Variants in PTPN4 observed in about 807,000 individuals in gnomAD.
The protein encoded by PTPN4 is tyrosine-protein phosphatase non-receptor type 4.
PTPN4 carries 49 observed loss-of-function variants against 135.5 expected under a neutral mutation model. That is an observed-to-expected ratio of 0.36 (90% CI 0.29 to 0.46). The LOEUF (loss-of-function observed/expected upper bound fraction) is 0.46, where lower values mean the gene tolerates loss of function less well. Ranked by LOEUF, PTPN4 falls within the 20% of genes least tolerant of loss-of-function variation. The probability of loss-of-function intolerance (pLI) is 1.00; values close to 1 mark genes in which losing one functional copy is unlikely to be tolerated. For synonymous variants in PTPN4, 333 were observed against 369.9 expected, an observed-to-expected ratio of 0.90 and a Z score of 1.14; for missense variants, 860 against 1,101.0, an observed-to-expected ratio of 0.78 and a Z score of 3.10.
At chr2:119,862,304 A>G (rs1199424226) in intron 2 of PTPN4, among the ~76,000 whole-genome samples, 1 of 152,170 alleles carries the variant, frequency 6.6e-6, no homozygotes, top group African/African-American at 2.4e-5. Flanking sequence ...AACAGTTACC[A>G]AGTTAACCCA....
intron 25 of PTPN4, among the ~76,000 whole-genome samples, chr2:119,965,916 A>C (rs1395306820): frequency 6.6e-6 from 1 of 152,208 alleles, no homozygotes; most frequent in African/African-American, 2.4e-5. Context: ...AACAATTTAC[A>C]ATAGATTTGA....
chr2:119,798,292 G>A (rs1275221962), intron 1 of PTPN4, among the ~76,000 whole-genome samples: 4 of 151,708 alleles, frequency 2.6e-5, no homozygotes, highest in East Asian at 1.9e-4. Context: ...TCAGCCTACC[G>A]GGTAGCTGGG....
chr2:119,870,022 A>T (rs1677887997), intron 3 of PTPN4, among the ~76,000 whole-genome samples: 1 of 152,238 alleles, frequency 6.6e-6, no homozygotes. Context: ...AACAGAGGGC[A>T]GCAGATACAG....
rs1679649223 is a variant in PTPN4, at chr2:119,978,475, T to C, written c.*1405T>C. 1 of 152,166 alleles carries C rather than the reference T, an allele frequency of 6.6e-6. No individual in the cohort carries two copies. The highest frequency in any genetic ancestry group is 1.5e-5 in the Non-Finnish European group (1 of 67,998). The allele number at this position is 152,166 out of a possible 1,614,324, so 9.4% of individuals were successfully genotyped here. ...AATTATTCCATTTTATATATACTTA[T>C]TAAGTTATAAGCATGTTAATAAGGA... On this transcript the variant is annotated 3_prime_UTR_variant, in exon 27 of 27. Coordinates refer to ENST00000263708, the MANE Select transcript of PTPN4 (RefSeq NM_002830.4).
intron 2 of PTPN4, among the ~76,000 whole-genome samples, chr2:119,824,280 T>TG (rs905660016): frequency 6.6e-5 from 10 of 152,234 alleles, no homozygotes; most frequent in African/African-American, 1.7e-4. Flanking sequence ...CTACTCTTTT[T>TG]GGGGGGGAGG....
intron 10 of PTPN4, among the ~76,000 whole-genome samples, chr2:119,911,759 G>A (rs1678575173): frequency 6.6e-6 from 1 of 152,072 alleles, no homozygotes; most frequent in Non-Finnish European, 1.5e-5. Flanking sequence ...TGAAAATAAA[G>A]AGATAAAAAA....
rs554653666 is a variant in PTPN4, at chr2:119,884,254, G to A, written c.588-1541G>A. Among the ~76,000 whole-genome samples, 4 of 152,316 alleles carry A rather than the reference G, an allele frequency of 2.6e-5. 1 individual carries two copies. In the South Asian group the frequency reaches 8.3e-4, roughly 32 times the overall value. ...TAAGATTGTTATGTAGATTTTAAGT[G>A]GTTGCAGAAAATCAAAAGAAGAATA... On this transcript the variant is annotated intron_variant, in intron 8 of 26. Coordinates refer to ENST00000263708, the MANE Select transcript of PTPN4 (RefSeq NM_002830.4).
chr2:119,802,765 G>T (rs935856131), intron 1 of PTPN4, among the ~76,000 whole-genome samples: 13 of 152,072 alleles, frequency 8.5e-5, no homozygotes, highest in Non-Finnish European at 1.8e-4. Context: ...TCTGCTTTCT[G>T]GAAGAGATCA....
chr2:119,863,926 A>G (rs1677795162), intron 3 of PTPN4, among the ~76,000 whole-genome samples: 1 of 152,194 alleles, frequency 6.6e-6, no homozygotes, highest in Admixed American at 6.5e-5. Context: ...TCAGTAATGC[A>G]GCCTTTCCCA....
At chr2:119,786,839 A>G (rs890821609) in intron 1 of PTPN4, among the ~76,000 whole-genome samples, 2 of 152,226 alleles carry the variant, frequency 1.3e-5, no homozygotes, top group Non-Finnish European at 2.9e-5. Context: ...ACAATCTGCC[A>G]TAGCCTGTGA....
chr2:119,809,044 G>GTT (rs1351284046), intron 1 of PTPN4, among the ~76,000 whole-genome samples: 1 of 151,888 alleles, frequency 6.6e-6, no homozygotes, highest in East Asian at 1.9e-4. Flanking sequence ...AGTGTTAGGT[G>GTT]TTTTAAAGTT....
intron 10 of PTPN4, among the ~76,000 whole-genome samples, chr2:119,905,554 G>A (rs888417421): frequency 1.3e-5 from 2 of 152,090 alleles, no homozygotes; most frequent in Non-Finnish European, 2.9e-5. Flanking sequence ...ATTCACCACT[G>A]GACAGATCAT....
At chr2:119,912,477 T>C (rs969290879) in intron 10 of PTPN4, among the ~76,000 whole-genome samples, 16 of 152,172 alleles carry the variant, frequency 1.1e-4, no homozygotes, top group African/African-American at 3.9e-4. Flanking sequence ...AATGAAAAGA[T>C]GCATTGGTGG....
intron 15 of PTPN4, among the ~76,000 whole-genome samples, chr2:119,939,701 C>T (rs1016553741): frequency 6.6e-6 from 1 of 152,184 alleles, no homozygotes; most frequent in Non-Finnish European, 1.5e-5. Context: ...GTCTATACCT[C>T]TTCAGTTCCT....
At chr2:119,885,932 CA>C in intron 9 of PTPN4, 50 bp downstream of exon 9, 1 of 1,259,468 alleles carries the variant, frequency 7.9e-7, no homozygotes, top group Non-Finnish European at 1.1e-6. Flanking sequence ...CTCCGTTACT[CA>C]ATATAACATT....
chr2:119,859,459 G>C (rs1002764709), intron 2 of PTPN4, among the ~76,000 whole-genome samples: 1 of 152,170 alleles, frequency 6.6e-6, no homozygotes, highest in African/African-American at 2.4e-5. Context: ...TAGTCAGTTC[G>C]TTGTTAAGTG....
Position 119,845,083 on chromosome 2 carries a change from T to G in PTPN4, c.139-17453T>G, listed in dbSNP as rs1482790157. On this transcript the variant is annotated intron_variant, in intron 2 of 26. Coordinates refer to ENST00000263708, the MANE Select transcript of PTPN4 (RefSeq NM_002830.4). ...CCGGCCAACACAGCGAAACCCCGTC[T>G]CCACCAAAACCAGTCAGGCGTGGCG... 3.1e-4 allele frequency among the ~76,000 whole-genome samples: 46 copies of G among 149,512 alleles called. 1 individual carries two copies. The East Asian group carries it at 9.0e-3, about 29-fold the overall frequency.
intron 2 of PTPN4, among the ~76,000 whole-genome samples, chr2:119,814,508 G>A (rs751906952): frequency 6.6e-6 from 1 of 152,160 alleles, no homozygotes; most frequent in Non-Finnish European, 1.5e-5. Flanking sequence ...CTTTTTGAAA[G>A]ATAATTTGTA....
At chr2:119,804,444 G>T (rs112725379) in intron 1 of PTPN4, among the ~76,000 whole-genome samples, 2 of 151,968 alleles carry the variant, frequency 1.3e-5, no homozygotes, top group East Asian at 3.9e-4. Context: ...TCCACCCAAC[G>T]ACAGGCCCCC....
Sources: gnomAD v4.1 joint callset for allele counts (sites outside exome capture counted in the v4.1 genomes callset) on GRCh38, gnomAD v4.1.1 for gene constraint, MANE v1.5 for transcripts, NCBI Gene and HGNC (gene_info 2026-07-23, HGNC 2026-07-21) for gene names.